SATL1: variants seen among roughly 807,000 people sequenced by gnomAD.
SATL1 encodes spermidine/spermine N1-acetyl transferase like 1.
SATL1 carries 47 observed loss-of-function variants against 51.8 expected under a neutral mutation model. That is an observed-to-expected ratio of 0.91 (90% CI 0.72 to 1.16). The LOEUF is 1.16. SATL1 is among the 50% of genes most tolerant of loss of function. The probability of loss-of-function intolerance (pLI) is 0.00; values close to 1 mark genes in which losing one functional copy is unlikely to be tolerated. For missense variants in SATL1, 520 were observed against 526.4 expected, an observed-to-expected ratio of 0.99 and a Z score of 0.12; for synonymous variants, 176 against 182.4, an observed-to-expected ratio of 0.97 and a Z score of 0.28.
At chrX:85,178,433 T>C (rs760756943) in intron 2 of SATL1, among the ~76,000 whole-genome samples, 288 of 110,524 alleles carry the variant, frequency 2.6e-3, no homozygotes, top group African/African-American at 8.2e-3. Flanking sequence ...GTTTTTGTTT[T>C]AGAAACAGTC....
At chrX:85,220,345 C>T in intron 2 of SATL1, among the ~76,000 whole-genome samples, 1 of 109,347 alleles carries the variant, frequency 9.1e-6, no homozygotes, top group Middle Eastern at 4.7e-3. Context: ...GACTACAACT[C>T]TTAAGTCCTA....
At chrX:85,146,753 A>G (rs528918146) in intron 2 of SATL1, among the ~76,000 whole-genome samples, 1 of 112,839 alleles carries the variant, frequency 8.9e-6, no homozygotes, top group Admixed American at 9.3e-5. Context: ...TATATGAACA[A>G]TTCTTGCCAG....
intron 1 of SATL1, among the ~76,000 whole-genome samples, chrX:85,230,448 A>G (rs1265534158): frequency 8.9e-6 from 1 of 112,295 alleles, no homozygotes; most frequent in African/African-American, 3.2e-5. Flanking sequence ...ATATTTAAAC[A>G]TAAGACCTAA....
chrX:85,129,693 A>G (rs1925727493), intron 2 of SATL1, among the ~76,000 whole-genome samples: 1 of 111,405 alleles, frequency 9.0e-6, no homozygotes, highest in Non-Finnish European at 1.9e-5. Flanking sequence ...GTTGAATAGG[A>G]GTCGTGAGAG....
chrX:85,171,538 T>G (rs1000134278), intron 2 of SATL1, among the ~76,000 whole-genome samples: 1 of 111,534 alleles, frequency 9.0e-6, no homozygotes, highest in African/African-American at 3.2e-5. Context: ...TTCACATAAG[T>G]GTAAATACCC....
intron 2 of SATL1, among the ~76,000 whole-genome samples, chrX:85,187,270 G>A: frequency 9.0e-6 from 1 of 111,474 alleles, no homozygotes; most frequent in East Asian, 2.8e-4. Context: ...AAAAGACCAT[G>A]TCATCTGCAA....
chrX:85,105,584 C>A (rs1314154185), intron 3 of SATL1, among the ~76,000 whole-genome samples: 2 of 111,549 alleles, frequency 1.8e-5, no homozygotes, highest in Non-Finnish European at 3.8e-5. Context: ...AATGACTAGG[C>A]TCCCAAATAA....
chrX:85,122,436 GAAGTTT>G (rs757425769), intron 2 of SATL1, among the ~76,000 whole-genome samples: 4 of 111,005 alleles, frequency 3.6e-5, no homozygotes, highest in African/African-American at 1.3e-4. Flanking sequence ...CCAACACTCT[GAAGTTT>G]AAGAATCACA....
chrX:85,129,660 C>T (rs1925726174), intron 2 of SATL1, among the ~76,000 whole-genome samples: 1 of 111,558 alleles, frequency 9.0e-6, no homozygotes, highest in Non-Finnish European at 1.9e-5. Context: ...CCTGATTGCC[C>T]TGGCCAGAAC....
chrX:85,107,575 C>T lies in SATL1; in HGVS notation c.1394G>A (p.Ser465Asn). 1 of 1,212,244 alleles carries T rather than the reference C, an allele frequency of 8.2e-7. No homozygotes were observed. The highest frequency in any genetic ancestry group is 1.8e-5 in the South Asian group (1 of 57,031). The change falls in exon 3 of 8, where the codon AGT (serine) becomes AAT (asparagine). Residue 465 changes from serine (S) to asparagine (N), a missense_variant. Physicochemically the swap from Ser to Asn is conservative, Grantham distance 46. Around this residue, in one of 3 missense-constraint regions of SATL1, gnomAD observed 488 missense variants for 474.3 expected, o/e 1.03. Transcript: ENST00000644105. ...ATGGCTCATGCCTGTTTGGTTCTTA[C>T]TTGATTGGCTAGTGCCTGGTTGTCT... is the stretch of plus-strand genomic sequence containing the variant. The part of the protein sequence containing the change: ...GMRQPGTSQS[S>N]KNQTGMSHPG...
intron 2 of SATL1, among the ~76,000 whole-genome samples, chrX:85,188,604 C>A (rs1927365873): frequency 9.0e-6 from 1 of 110,651 alleles, no homozygotes; most frequent in Non-Finnish European, 1.9e-5. Flanking sequence ...TGTGATTGCA[C>A]CACTGCACTC....
chrX:85,219,115 C>T (rs1401359586), intron 2 of SATL1: 2 of 111,996 alleles, frequency 1.8e-5, no homozygotes, highest in African/African-American at 3.2e-5. Context: ...ACATTGGATA[C>T]TCAAGTTATG....
chrX:85,239,843 C>T (rs1442286925), intron 1 of SATL1, among the ~76,000 whole-genome samples: 1 of 110,487 alleles, frequency 9.1e-6, no homozygotes, highest in African/African-American at 3.3e-5. Flanking sequence ...TATATAAAGA[C>T]CAACTCAAAA....
intron 2 of SATL1, among the ~76,000 whole-genome samples, chrX:85,117,966 C>G (rs1925416918): frequency 9.2e-6 from 1 of 108,857 alleles, no homozygotes; most frequent in African/African-American, 3.3e-5. Flanking sequence ...GGACAAAAGA[C>G]TTTTTTTGTT....
At chrX:85,094,875 A>G (rs1466275202) in intron 5 of SATL1, 41 bp downstream of exon 5, 3 of 849,011 alleles carry the variant, frequency 3.5e-6, no homozygotes, top group Admixed American at 4.8e-5. Context: ...CATGGAAAAA[A>G]TATACTCCAG....
chrX:85,215,756 C>CAAAA (rs1217972371), intron 2 of SATL1, among the ~76,000 whole-genome samples: 1 of 112,265 alleles, frequency 8.9e-6, no homozygotes, highest in African/African-American at 3.2e-5. Flanking sequence ...ATGGCCTTTA[C>CAAAA]TGTCTATATT....
chrX:85,111,542 CA>C (rs1426078530), intron 2 of SATL1, among the ~76,000 whole-genome samples: 11 of 112,137 alleles, frequency 9.8e-5, no homozygotes, highest in African/African-American at 3.6e-4. Context: ...GTCTTTGCCA[CA>C]AGGCGGCAGT....
chrX:85,140,694 T>C (rs767524781), intron 2 of SATL1, among the ~76,000 whole-genome samples: 1 of 112,357 alleles, frequency 8.9e-6, no homozygotes, highest in South Asian at 3.7e-4. Flanking sequence ...CCTTCTTGGA[T>C]TTAATTGTGT....
chrX:85,121,118 T>C (rs1212929090), intron 2 of SATL1, among the ~76,000 whole-genome samples: 1 of 110,552 alleles, frequency 9.0e-6, no homozygotes. Flanking sequence ...TCAGATGTTT[T>C]ATCTGTAAAA....
Sources: allele counts gnomAD v4.1 joint callset (sites outside exome capture counted in the v4.1 genomes callset), GRCh38; gene constraint gnomAD v4.1.1; regional missense constraint gnomAD v4.1.1; transcripts MANE v1.5; gene names NCBI Gene and HGNC (gene_info 2026-07-23, HGNC 2026-07-21).